Variants in NT5DC1 observed in about 807,000 individuals in gnomAD.
NT5DC1 encodes the protein 5'-nucleotidase domain-containing protein 1.
Under a neutral mutation model 59.4 loss-of-function variants are expected in NT5DC1, and 42 were observed. The observed-to-expected ratio is 0.71, with a 90% CI of 0.55 to 0.92. NT5DC1 has a LOEUF of 0.92. Among genes scored for constraint, NT5DC1 ranks in the 40% least tolerant of loss-of-function variants. NT5DC1 has a pLI of 0.00. For missense variants in NT5DC1, 501 were observed against 537.1 expected (o/e 0.93, Z 0.66); for synonymous variants, 172 against 188.1 (o/e 0.91, Z 0.70).
intron 2 of NT5DC1, among the ~76,000 whole-genome samples, chr6:116,107,377 C>T (rs989415699): frequency 6.6e-6 from 1 of 150,554 alleles, no homozygotes; most frequent in Non-Finnish European, 1.5e-5. Context: ...TCTAAAGTAC[C>T]CTGTCATTTT....
intron 6 of NT5DC1, among the ~76,000 whole-genome samples, chr6:116,124,324 G>C (rs1779227640): frequency 6.6e-6 from 1 of 152,094 alleles, no homozygotes; most frequent in Non-Finnish European, 1.5e-5. Context: ...GAAGCCTACA[G>C]TCAGTTTATA....
chr6:116,132,493 C>CT (rs1208886763), intron 6 of NT5DC1, among the ~76,000 whole-genome samples: 2 of 151,272 alleles, frequency 1.3e-5, no homozygotes, highest in Admixed American at 6.6e-5. Flanking sequence ...TCATGTAAAA[C>CT]TTTCTTTTAA....
intron 6 of NT5DC1, among the ~76,000 whole-genome samples, chr6:116,169,211 A>G (rs916090249): frequency 6.6e-6 from 1 of 152,134 alleles, no homozygotes; most frequent in Non-Finnish European, 1.5e-5. Flanking sequence ...TTAAATCTTC[A>G]TTGACATTTT....
chr6:116,237,527 C>T (rs1424528644), intron 9 of NT5DC1: 3 of 457,112 alleles, frequency 6.6e-6, no homozygotes, highest in Admixed American at 2.3e-5. Context: ...CATTGGCTGT[C>T]ACCATGCCAC....
chr6:116,190,523 C>A (rs1582864015), intron 6 of NT5DC1, among the ~76,000 whole-genome samples: 1 of 151,958 alleles, frequency 6.6e-6, no homozygotes, highest in African/African-American at 2.4e-5. Context: ...CATCCCCCCA[C>A]CTCCCATCAC....
chr6:116,121,060 C>G, intron 6 of NT5DC1: 1 of 1,614,062 alleles, frequency 6.2e-7, no homozygotes, highest in Non-Finnish European at 8.5e-7. Context: ...CATGGCTACC[C>G]GGGATGCCTT....
intron 6 of NT5DC1, among the ~76,000 whole-genome samples, chr6:116,189,162 T>C (rs1201761258): frequency 6.6e-6 from 1 of 151,738 alleles, no homozygotes; most frequent in Non-Finnish European, 1.5e-5. Context: ...AATTTTGTTC[T>C]TTTTTTTAGT....
chr6:116,162,076 T>C (rs1780348112), intron 6 of NT5DC1, among the ~76,000 whole-genome samples: 1 of 152,206 alleles, frequency 6.6e-6, no homozygotes, highest in South Asian at 2.1e-4. Context: ...GGTTTTCTGC[T>C]TGACCATTGT....
At chr6:116,113,235 C>T (rs1392605682) in intron 4 of NT5DC1, among the ~76,000 whole-genome samples, 5 of 152,226 alleles carry the variant, frequency 3.3e-5, no homozygotes, top group Non-Finnish European at 2.9e-5. Flanking sequence ...CATCAGTTTT[C>T]TCATCTTTGA....
Position 116,172,265 on chromosome 6 carries a change from AT to A in NT5DC1, c.530-48788del, listed in dbSNP as rs1473213588. ...AAGTTTAAGGTTATATTAGATAAGTATATTATTAAAGATTGGATTGTCAAGT... is the reference window on the plus strand; with the variant it reads ...AAGTTTAAGGTTATATTAGATAAGTAATTATTAAAGATTGGATTGTCAAGT... On this transcript the variant is annotated intron_variant, in intron 6 of 11. Transcript: ENST00000319550. Among the ~76,000 whole-genome samples, 7 of 150,616 alleles carry A rather than the reference AT, an allele frequency of 4.6e-5. No individual in the cohort carries two copies. The Middle Eastern group carries it at 0.01, about 221-fold the overall frequency.
intron 6 of NT5DC1, among the ~76,000 whole-genome samples, chr6:116,169,574 C>T (rs1780560428): frequency 6.6e-6 from 1 of 152,214 alleles, no homozygotes; most frequent in Non-Finnish European, 1.5e-5. Flanking sequence ...TACTGATCAA[C>T]TATATGCAGC....
At chr6:116,204,866 A>T (rs563369644) in intron 6 of NT5DC1, among the ~76,000 whole-genome samples, 1 of 152,166 alleles carries the variant, frequency 6.6e-6, no homozygotes, top group African/African-American at 2.4e-5. Context: ...TTATAATTAC[A>T]TGGCTAGATT....
intron 6 of NT5DC1, among the ~76,000 whole-genome samples, chr6:116,174,789 G>C (rs998659738): frequency 2.6e-5 from 4 of 152,070 alleles, no homozygotes; most frequent in African/African-American, 9.7e-5. Context: ...TCTACCACTT[G>C]CTTTGCAATC....
intron 6 of NT5DC1, among the ~76,000 whole-genome samples, chr6:116,185,279 A>G (rs922162418): frequency 7.2e-5 from 11 of 152,230 alleles, no homozygotes; most frequent in African/African-American, 2.4e-4. Flanking sequence ...TTTGTGGCCT[A>G]TCATATGGTC....
At chr6:116,101,124 C>T in intron 1 of NT5DC1, 101 bp downstream of exon 1, 7 of 806,320 alleles carry the variant, frequency 8.7e-6, no homozygotes, top group Non-Finnish European at 1.1e-5. Context: ...TGCCCGGGGC[C>T]TGCGGCGGCC....
chr6:116,171,559 T>C (rs1419244519), intron 6 of NT5DC1, among the ~76,000 whole-genome samples: 1 of 152,190 alleles, frequency 6.6e-6, no homozygotes, highest in African/African-American at 2.4e-5. Flanking sequence ...GCCTACCTTT[T>C]TGGGGGGACT....
intron 6 of NT5DC1, among the ~76,000 whole-genome samples, chr6:116,147,840 T>C (rs1389848234): frequency 1.3e-5 from 2 of 152,170 alleles, no homozygotes; most frequent in Non-Finnish European, 2.9e-5. Flanking sequence ...GCTCAAATAT[T>C]CATTCATAAG....
chr6:116,227,753 G>T (rs1170221552), intron 8 of NT5DC1, among the ~76,000 whole-genome samples: 2 of 152,092 alleles, frequency 1.3e-5, no homozygotes, highest in African/African-American at 4.8e-5. Flanking sequence ...CTAGACATTT[G>T]TATATCTTTT....
rs1253447276 is a variant in NT5DC1 at position 116,221,054 on chromosome 6, A to G, written c.530A>G (p.Glu177Gly). 3.6e-6 allele frequency: 5 copies of G among 1,395,366 alleles called. No individual in the cohort carries two copies. The Admixed American group carries it at 6.0e-5, about 17-fold the overall frequency. 86.4% of individuals were successfully genotyped at this position (1,395,366 alleles called of 1,614,324 possible). The stretch of plus-strand genomic sequence containing the variant: ...CCTCATTGATATTTTTATTTTTCAG[A>G]AAACTGTGGAATATATTTTCCAGAA... ...QHNYKMSAFK[E>G]NCGIYFPEIK... is the part of the protein sequence containing the mutation. The change falls in exon 7 of 12, where the codon GAA (glutamate) becomes GGA (glycine). Residue 177 changes from glutamate (E) to glycine (G), a missense_variant and splice_region_variant. Coordinates refer to ENST00000319550, the MANE Select transcript of NT5DC1 (RefSeq NM_152729.3).
Sources: gnomAD v4.1 joint callset for allele counts (sites outside exome capture counted in the v4.1 genomes callset) on GRCh38, gnomAD v4.1.1 for gene constraint, MANE v1.5 for transcripts, NCBI Gene and HGNC (gene_info 2026-07-23, HGNC 2026-07-21) for gene names.